ARHGAP5: variants seen among roughly 807,000 people sequenced by gnomAD.
The protein encoded by ARHGAP5 is Rho GTPase activating protein 5.
A neutral mutation model predicts 116.6 loss-of-function variants in ARHGAP5; 23 were observed. That is an observed-to-expected ratio of 0.20 (90% CI 0.14 to 0.28). The LOEUF (loss-of-function observed/expected upper bound fraction) is 0.28. ARHGAP5 is among the 10% of genes least tolerant of loss of function. ARHGAP5 has a pLI of 1.00. For missense variants in ARHGAP5, 1,405 were observed against 1,774.8 expected (o/e 0.79, Z 3.74); for synonymous variants, 574 against 602.0 (o/e 0.95, Z 0.68).
chr14:32,114,569 A>G (rs944333652), intron 2 of ARHGAP5, among the ~76,000 whole-genome samples: 14 of 152,142 alleles, frequency 9.2e-5, no homozygotes, highest in South Asian at 2.1e-4. Context: ...AGACACTCCA[A>G]TGCCCCCTTG....
Position 32,091,253 on chromosome 14 carries a change from T to C in ARHGAP5, c.584T>C (p.Ile195Thr). ...TTATCAAAATCAAAAAAACCTGTAA[T>C]AATAGCAGCAACTAAATGTGATGAA... ...VQLSKSKKPV[I>T]IAATKCDECV... is the part of the protein sequence containing the mutation. Residue 195 changes from isoleucine (I) to threonine (T), a missense_variant, in exon 2 of 7, where the codon ATA becomes ACA. Transcript: ENST00000345122. The C allele has an allele frequency of 6.2e-7, 1 of 1,612,518 alleles. No homozygotes were observed. The highest frequency in any genetic ancestry group is 8.5e-7 in the Non-Finnish European group (1 of 1,179,280).
chr14:32,092,443 A>C lies in ARHGAP5; in HGVS notation c.1774A>C (p.Asn592His). The change falls in exon 2 of 7, where the codon AAT becomes CAT. Residue 592 changes from asparagine to histidine, a missense_variant. By Grantham distance (68) the Asn-to-His change is moderately conservative. Transcript: ENST00000345122. The surrounding 1 kb of genome is among the most constrained non-coding windows in gnomAD (Gnocchi z 4.1). ...CTTAAGATTATATCACGATAGTACC[A>C]ATATAGATAAAGTTAACCTTTTTAT... ...GRLRLYHDST[N>H]IDKVNLFILG... is the part of the protein sequence containing the mutation. 12 of 1,613,930 alleles carry C rather than the reference A, an allele frequency of 7.4e-6. No homozygotes were observed. The highest frequency in any genetic ancestry group is 1.0e-5 in the Non-Finnish European group (12 of 1,179,882).
At chr14:32,115,271 C>T (rs1165718142) in intron 2 of ARHGAP5, among the ~76,000 whole-genome samples, 1 of 152,190 alleles carries the variant, frequency 6.6e-6, no homozygotes, top group Non-Finnish European at 1.5e-5. Context: ...CCCTCTAATG[C>T]TACATTGAAG....
intron 3 of ARHGAP5, among the ~76,000 whole-genome samples, chr14:32,136,672 G>A (rs1487273948): frequency 1.3e-5 from 2 of 152,164 alleles, no homozygotes; most frequent in African/African-American, 4.8e-5. Context: ...TAACTTAGTA[G>A]AGAAGCACCA....
chr14:32,083,262 G>A (rs140307499), intron 1 of ARHGAP5, among the ~76,000 whole-genome samples: 2 of 152,260 alleles, frequency 1.3e-5, no homozygotes, highest in African/African-American at 2.4e-5. Context: ...ATGGTTGGGG[G>A]GCAAATTAAA....
intron 3 of ARHGAP5, among the ~76,000 whole-genome samples, chr14:32,139,064 T>C (rs1434885158): frequency 2.0e-5 from 3 of 152,196 alleles, no homozygotes; most frequent in Admixed American, 2.0e-4. Flanking sequence ...TAAATCCTAC[T>C]TGGTCATGAT....
chr14:32,146,117 G>T (rs1881365596), intron 3 of ARHGAP5, 146 bp from the exon 4 acceptor site: 2 of 553,408 alleles, frequency 3.6e-6, no homozygotes, highest in Admixed American at 6.9e-5. Flanking sequence ...TCCCTGTGTT[G>T]CCCAGGCTGG....
chr14:32,124,310 G>A (rs77842126), intron 3 of ARHGAP5, among the ~76,000 whole-genome samples: 17 of 152,016 alleles, frequency 1.1e-4, no homozygotes, highest in Non-Finnish European at 2.4e-4. Context: ...ATAATTTTTC[G>A]AGTCCTTAGT....
chr14:32,091,422 C>T lies in ARHGAP5; in HGVS notation c.753C>T (p.Ser251=), dbSNP rs1399598578. The change falls in exon 2 of 7, where the codon AGC becomes AGT. Residue 251 remains serine (S), a synonymous_variant. Coordinates refer to ENST00000345122, the MANE Select transcript of ARHGAP5 (RefSeq NM_001030055.2). ...TACAAATGTTGGATAAAACTCGTAGCAAGCCTAAAATTATTCCCTATTTGG... is the reference window on the plus strand; with the variant it reads ...TACAAATGTTGGATAAAACTCGTAGTAAGCCTAAAATTATTCCCTATTTGG... ...ALVQMLDKTR[S]KPKIIPYLDA... 13 of 1,610,556 alleles carry T rather than the reference C, an allele frequency of 8.1e-6. No homozygotes were observed. The highest frequency in any genetic ancestry group is 1.1e-5 in the Non-Finnish European group (13 of 1,178,624).
At chr14:32,106,814 A>G (rs1879042475) in intron 2 of ARHGAP5, among the ~76,000 whole-genome samples, 1 of 152,198 alleles carries the variant, frequency 6.6e-6, no homozygotes, top group African/African-American at 2.4e-5. Context: ...AGTATTAACA[A>G]GTGCCTAATA....
chr14:32,093,647 C>A lies in ARHGAP5; in HGVS notation c.2978C>A (p.Pro993Gln), dbSNP rs777427140. ...ACAGAAGCACCACCTCCTTATAGTCCAATTGGGGATGATGTACAGTTGCTT... is the reference window on the plus strand; with the variant it reads ...ACAGAAGCACCACCTCCTTATAGTCAAATTGGGGATGATGTACAGTTGCTT... ...DDTEAPPPYS[P>Q]IGDDVQLLPT... The change falls in exon 2 of 7, where the codon CCA becomes CAA. Residue 993 changes from proline to glutamine, a missense_variant. Transcript: ENST00000345122. 1 of 1,613,772 alleles carries A rather than the reference C, an allele frequency of 6.2e-7. No homozygotes were observed. Among genetic ancestry groups the A allele is most frequent in the Non-Finnish European group, 8.5e-7 (1 of 1,179,848 alleles).
At chr14:32,150,896 A>G (rs1050153797) in intron 5 of ARHGAP5, among the ~76,000 whole-genome samples, 5 of 152,324 alleles carry the variant, frequency 3.3e-5, no homozygotes, top group East Asian at 1.9e-4. Context: ...TATCTGGAAA[A>G]TGAGAACTAA....
At position 32,115,490 on chromosome 14, in the gene ARHGAP5, C is replaced by T. The variant is rs559910004; in HGVS notation, c.3718-1650C>T. On this transcript the variant is annotated intron_variant, in intron 2 of 6. Coordinates refer to ENST00000345122, the MANE Select transcript of ARHGAP5 (RefSeq NM_001030055.2). ...TATCCTGGCCAACACGGTGAAACCG[C>T]GTCTCTACTAAAAAAATACAAAAAA... 4.0e-5 allele frequency among the ~76,000 whole-genome samples: 6 copies of T among 151,668 alleles called. No homozygotes were observed. In the South Asian group the frequency reaches 6.3e-4, roughly 16 times the overall value.
rs188577827 is a variant in ARHGAP5 at position 32,116,510 on chromosome 14, G to T, written c.3718-630G>T. On this transcript the variant is annotated intron_variant, in intron 2 of 6. Coordinates refer to ENST00000345122, the MANE Select transcript of ARHGAP5 (RefSeq NM_001030055.2). ...TGGGAGGCTGAGGCAGGAGAATGGC[G>T]TGAACCCGGGAGGCGGAGCTTGCAG... Among the ~76,000 whole-genome samples the T allele has an allele frequency of 1.6e-3, 245 of 151,438 alleles. 1 individual carries two copies. The highest frequency in any genetic ancestry group is 5.7e-3 in the African/African-American group (235 of 41,272).
intron 2 of ARHGAP5, among the ~76,000 whole-genome samples, chr14:32,103,495 G>A (rs1878880489): frequency 6.6e-6 from 1 of 152,138 alleles, no homozygotes; most frequent in South Asian, 2.1e-4. Context: ...GCATAGTACA[G>A]ATTATTGAAG....
chr14:32,129,697 T>C (rs1412863951), intron 3 of ARHGAP5, among the ~76,000 whole-genome samples: 1 of 152,084 alleles, frequency 6.6e-6, no homozygotes, highest in African/African-American at 2.4e-5. Flanking sequence ...TCACTAAATA[T>C]CAATCCCTTG....
chr14:32,094,565 T>TG (rs1186672546), intron 2 of ARHGAP5, among the ~76,000 whole-genome samples, 179 bp downstream of exon 2: 9 of 152,196 alleles, frequency 5.9e-5, no homozygotes, highest in Non-Finnish European at 1.0e-4. Flanking sequence ...TGTGCTTTAT[T>TG]GGGGTAGAGT....
In ARHGAP5 at chr14:32,093,895, C is replaced by T. The variant is rs200670818; in HGVS notation, c.3226C>T (p.Arg1076Trp). Residue 1076 changes from arginine to tryptophan, a missense_variant, in exon 2 of 7, where the codon CGG becomes TGG. Transcript: ENST00000345122. ...IGKNPRKQTS[R>W]VPLAHPEDMD... Reference sequence around the variant, plus strand: ...TAAAAATCCAAGAAAGCAGACTTCCCGGGTGCCTTTGGCACATCCTGAAGA... The same window carrying T: ...TAAAAATCCAAGAAAGCAGACTTCCTGGGTGCCTTTGGCACATCCTGAAGA... 32 of 1,613,932 alleles carry T rather than the reference C, an allele frequency of 2.0e-5. No homozygotes were observed. The East Asian group carries it at 2.7e-4, about 13-fold the overall frequency.
At chr14:32,081,304 G>A (rs902692801) in intron 1 of ARHGAP5, among the ~76,000 whole-genome samples, 1 of 152,178 alleles carries the variant, frequency 6.6e-6, no homozygotes, top group Non-Finnish European at 1.5e-5. Context: ...TTACTTGGAA[G>A]TAGCATACAA....
Sources: gnomAD v4.1 joint callset for allele counts (sites outside exome capture counted in the v4.1 genomes callset) on GRCh38, gnomAD v4.1.1 for gene constraint, Gnocchi (gnomAD v3.1) non-coding constraint, MANE v1.5 for transcripts, NCBI Gene and HGNC (gene_info 2026-07-23, HGNC 2026-07-21) for gene names.